The following RIPOR2 variants were observed in gnomAD, a reference collection of about 807,000 sequenced individuals.
RIPOR2 encodes the protein RHO family interacting cell polarization regulator 2.
RIPOR2 carries 39 observed loss-of-function variants against 114.5 expected under a neutral mutation model. The observed-to-expected ratio is 0.34, with a 90% CI of 0.26 to 0.44. The LOEUF is 0.44. Ranked by LOEUF, RIPOR2 falls within the 20% of genes least tolerant of loss-of-function variation. RIPOR2 has a pLI of 1.00. For missense variants in RIPOR2, 1,007 were observed against 1,255.1 expected, an observed-to-expected ratio of 0.80 and a Z score of 2.99; for synonymous variants, 445 against 484.4, an observed-to-expected ratio of 0.92 and a Z score of 1.07.
intron 1 of RIPOR2, among the ~76,000 whole-genome samples, chr6:24,922,024 T>C (rs1770535057): frequency 6.6e-6 from 1 of 151,592 alleles, no homozygotes; most frequent in Non-Finnish European, 1.5e-5. Context: ...AGAGATGGAG[T>C]TTCACCATGT....
intron 7 of RIPOR2, among the ~76,000 whole-genome samples, chr6:24,862,115 A>T (rs1764124543): frequency 6.6e-6 from 1 of 152,250 alleles, no homozygotes; most frequent in African/African-American, 2.4e-5. Flanking sequence ...GCCTCACCCT[A>T]CTTCCTCAAT....
At chr6:24,898,178 T>A (rs71555168) in intron 1 of RIPOR2, among the ~76,000 whole-genome samples, 6,706 of 152,174 alleles carry the variant, frequency 0.044, 198 homozygotes, top group South Asian at 0.1. Flanking sequence ...TCATCATCAC[T>A]AAGGTCAAAG....
chr6:24,941,599 A>G (rs1440634227), intron 1 of RIPOR2, among the ~76,000 whole-genome samples: 1 of 152,184 alleles, frequency 6.6e-6, no homozygotes, highest in Non-Finnish European at 1.5e-5. Flanking sequence ...TTGTGCTATC[A>G]ATGCAAACAC....
At position 24,935,886 on chromosome 6, in the gene RIPOR2, C is replaced by A. The variant is rs1771773822; in HGVS notation, c.13G>T (p.Asp5Tyr). 8.5e-6 allele frequency: 13 copies of A among 1,535,368 alleles called. No homozygotes were observed. Among genetic ancestry groups the A allele is most frequent in the Non-Finnish European group, 1.0e-5 (12 of 1,146,668 alleles). ...TCATCGACCAGGAGCTCCTCAGCATCAAAAAACTGCATCTTGGAGAGGACA... is the reference window on the plus strand; with the variant it reads ...TCATCGACCAGGAGCTCCTCAGCATAAAAAAACTGCATCTTGGAGAGGACA... Reference protein sequence around the residue: MQFFDAEELLVDEED... With the variant: MQFFYAEELLVDEED... Residue 5 changes from aspartate to tyrosine, a missense_variant, in exon 1 of 22, where the codon GAT (aspartate) becomes TAT (tyrosine). By Grantham distance (160) the Asp-to-Tyr change is radical. Coordinates refer to ENST00000643898, the MANE Select transcript of RIPOR2 (RefSeq NM_001286445.3).
chr6:24,993,283 T>A (rs2113624434), intron 1 of RIPOR2, among the ~76,000 whole-genome samples: 1 of 152,358 alleles, frequency 6.6e-6, no homozygotes, highest in South Asian at 2.1e-4. Flanking sequence ...GCAGATATAT[T>A]TAGGATAGTT....
At chr6:24,863,865 T>C (rs376430183) in intron 7 of RIPOR2, among the ~76,000 whole-genome samples, 10 of 152,362 alleles carry the variant, frequency 6.6e-5, no homozygotes, top group African/African-American at 2.2e-4. Flanking sequence ...ATTTGATGTG[T>C]TAATAAAGCA....
intron 10 of RIPOR2, 96 bp downstream of exon 10, chr6:24,850,501 G>A (rs1285797102): frequency 3.0e-5 from 41 of 1,352,098 alleles, no homozygotes; most frequent in Non-Finnish European, 4.2e-5. Context: ...TCTGTGGGAT[G>A]GAGGGGCAAC....
intron 1 of RIPOR2, among the ~76,000 whole-genome samples, chr6:25,028,564 T>C (rs187689568): frequency 3.9e-5 from 6 of 152,236 alleles, no homozygotes; most frequent in African/African-American, 1.4e-4. Context: ...GAGGATTAAG[T>C]GAAATAATGC....
chr6:25,032,751 A>G (rs1176202787), intron 1 of RIPOR2, among the ~76,000 whole-genome samples: 1 of 152,174 alleles, frequency 6.6e-6, no homozygotes, highest in African/African-American at 2.4e-5. Flanking sequence ...ATCATTTTTT[A>G]ATATTTAAGT....
At chr6:24,872,319 A>G (rs1251670171) in intron 4 of RIPOR2, among the ~76,000 whole-genome samples, 1 of 152,156 alleles carries the variant, frequency 6.6e-6, no homozygotes, top group Non-Finnish European at 1.5e-5. Flanking sequence ...GATTTTACTG[A>G]TTATATTTTT....
rs180893688 is a variant in RIPOR2, at chr6:25,001,954, C to T, written c.76+39897G>A. On this transcript the variant is annotated intron_variant, in intron 1 of 13. Transcript: ENST00000510784. The stretch of plus-strand genomic sequence containing the variant: ...CGATCTCCTGACCTTGTGATCCACC[C>T]GCCTCAGCCTCCCGAAGTGCTGGCA... Among the ~76,000 whole-genome samples, 605 of 152,048 alleles carry T rather than the reference C, an allele frequency of 4.0e-3. 3 individuals carry two copies. Among genetic ancestry groups the T allele is most frequent in the Admixed American group, 0.01 (157 of 15,272 alleles).
In RIPOR2 at chr6:24,922,895, T is replaced by C. The variant is rs1336999117; in HGVS notation, c.61+12943A>G. 3.6e-5 allele frequency among the ~76,000 whole-genome samples: 5 copies of C among 138,718 alleles called. No homozygotes were observed. The East Asian group carries it at 6.7e-4, about 19-fold the overall frequency. 91.0% of individuals were successfully genotyped at this position (138,718 alleles called of 152,430 possible). On this transcript the variant is annotated intron_variant, in intron 1 of 21. Coordinates refer to ENST00000643898, the MANE Select transcript of RIPOR2 (RefSeq NM_001286445.3). ...AAAAAAAAAAAAGGTAAAATACACATAACATAAAATGTACCATCTCAACTG... is the reference window on the plus strand; with the variant it reads ...AAAAAAAAAAAAGGTAAAATACACACAACATAAAATGTACCATCTCAACTG...
chr6:24,951,397 A>T (rs541536383), intron 1 of RIPOR2, among the ~76,000 whole-genome samples: 1 of 152,344 alleles, frequency 6.6e-6, no homozygotes, highest in East Asian at 1.9e-4. Flanking sequence ...TTGCAGTCGA[A>T]TCGCTGTCTT....
intron 18 of RIPOR2, 91 bp downstream of exon 18, chr6:24,828,046 A>C (rs1760338049): frequency 2.6e-6 from 3 of 1,157,428 alleles, no homozygotes; most frequent in Middle Eastern, 2.9e-4. Context: ...GAAAAATAAA[A>C]GGCCATCATT....
rs1023683636 is a variant in RIPOR2 at position 24,805,203 on chromosome 6, G to A, written c.*1170C>T. 1.3e-5 allele frequency: 2 copies of A among 150,888 alleles called. No individual in the cohort carries two copies. The highest frequency in any genetic ancestry group is 4.9e-5 in the African/African-American group (2 of 40,996). The allele number at this position is 150,888 out of a possible 1,614,324, so 9.3% of individuals were successfully genotyped here. ...GTCTTAGCAGCAAAACACCCCTATG[G>A]TAAGAATATCATAAAAAATAGCTCT... On this transcript the variant is annotated 3_prime_UTR_variant, in exon 22 of 22. Coordinates refer to ENST00000643898, the MANE Select transcript of RIPOR2 (RefSeq NM_001286445.3).
chr6:24,984,907 G>A (rs1339059841), intron 1 of RIPOR2, among the ~76,000 whole-genome samples: 1 of 152,154 alleles, frequency 6.6e-6, no homozygotes, highest in African/African-American at 2.4e-5. Context: ...GGTTCCTCTT[G>A]GTGTTCTGTG....
chr6:24,977,613 G>A (rs1031163351), intron 1 of RIPOR2, among the ~76,000 whole-genome samples: 2 of 152,074 alleles, frequency 1.3e-5, no homozygotes, highest in African/African-American at 2.4e-5. Context: ...ACATTTTCTA[G>A]TTTTGCTAAT....
chr6:25,027,566 G>C (rs550080733), intron 1 of RIPOR2, among the ~76,000 whole-genome samples: 1 of 152,360 alleles, frequency 6.6e-6, no homozygotes, highest in South Asian at 2.1e-4. Context: ...CCATGCTGCA[G>C]GTGGCACACT....
intron 1 of RIPOR2, chr6:25,024,505 C>G: frequency 1.4e-6 from 1 of 740,182 alleles, no homozygotes; most frequent in Non-Finnish European, 2.4e-6. Flanking sequence ...ATTGGAGGCG[C>G]GAGTTCCCAG....
Sources: gnomAD v4.1 joint callset for allele counts (sites outside exome capture counted in the v4.1 genomes callset) on GRCh38, gnomAD v4.1.1 for gene constraint, MANE v1.5 for transcripts, NCBI Gene and HGNC (gene_info 2026-07-23, HGNC 2026-07-21) for gene names.